PXN: variants seen among roughly 807,000 people sequenced by gnomAD.
PXN encodes paxillin, also known as testicular tissue protein Li 134.
In PXN, 61 loss-of-function variants were observed where a neutral mutation model predicts 103.6. That is an observed-to-expected ratio of 0.59 (90% CI 0.48 to 0.73). PXN has a LOEUF of 0.73. Among genes scored for constraint, PXN ranks in the 30% least tolerant of loss-of-function variants. PXN has a pLI of 0.00. For synonymous variants in PXN, 562 were observed against 607.8 expected, an observed-to-expected ratio of 0.92 and a Z score of 1.11; for missense variants, 1,274 against 1,460.3, an observed-to-expected ratio of 0.87 and a Z score of 2.08.
At position 120,265,317 on chromosome 12, in the gene PXN, C is replaced by T. The variant is rs984057706; in HGVS notation, c.13+300G>A. ...GCGGACGGGGTGGGTCCCTGAGGGG[C>T]GGGCTGGTCCCTGGGGCCCTTCTGG... is the stretch of plus-strand genomic sequence containing the variant. On this transcript the variant is annotated intron_variant, in intron 1 of 14. Transcript: ENST00000637617. The surrounding 1 kb of genome is among the most constrained non-coding windows in gnomAD (Gnocchi z 5.7). 1.3e-5 allele frequency among the ~76,000 whole-genome samples: 2 copies of T among 151,918 alleles called. No homozygotes were observed. The highest frequency in any genetic ancestry group is 4.8e-5 in the African/African-American group (2 of 41,354).
chr12:120,263,455 A>G (rs1894191514), intron 1 of PXN, among the ~76,000 whole-genome samples: 2 of 152,126 alleles, frequency 1.3e-5, no homozygotes, highest in Admixed American at 6.6e-5. Flanking sequence ...CCCTCCTTCA[A>G]GTGCCCTTGC....
At chr12:120,231,506 G>A (rs951130255) in intron 1 of PXN, among the ~76,000 whole-genome samples, 2 of 152,186 alleles carry the variant, frequency 1.3e-5, no homozygotes, top group East Asian at 1.9e-4. Context: ...GGGCTGGGGG[G>A]TGACACACAG....
In PXN at chr12:120,211,104, A is replaced by G. The variant is rs902624993; in HGVS notation, c.*1210T>C. Reference sequence around the variant, plus strand: ...CCCCATAGAAGCAGTGGGGGCTCAGAAGGTTCAGTGGGTTCACAGGGGAGC... The same window carrying G: ...CCCCATAGAAGCAGTGGGGGCTCAGGAGGTTCAGTGGGTTCACAGGGGAGC... On this transcript the variant is annotated 3_prime_UTR_variant, in exon 15 of 15. Coordinates refer to ENST00000637617, the MANE Select transcript of PXN (RefSeq NM_001385981.1). 3.3e-5 allele frequency: 5 copies of G among 152,276 alleles called. No homozygotes were observed. Among genetic ancestry groups the G allele is most frequent in the Non-Finnish European group, 7.3e-5 (5 of 68,090 alleles). The allele number at this position is 152,276 out of a possible 1,614,324, so 9.4% of individuals were successfully genotyped here.
intron 1 of PXN, among the ~76,000 whole-genome samples, chr12:120,241,077 G>C (rs1036444500): frequency 6.6e-6 from 1 of 152,166 alleles, no homozygotes; most frequent in African/African-American, 2.4e-5. Context: ...ACCACCTGAA[G>C]TTTCACTACC....
In PXN at chr12:120,214,436, C is replaced by G. The variant is rs2136184394; in HGVS notation, c.2749-219G>C. On this transcript the variant is annotated intron_variant, in intron 12 of 14. Transcript: ENST00000637617. The surrounding 1 kb of genome is among the most constrained non-coding windows in gnomAD (Gnocchi z 5.0). Reference sequence around the variant, plus strand: ...CACATACCCTCTCCTCTACTCCTCACCCCAAGTAGAGGGCACAAGTTCTAT... The same window carrying G: ...CACATACCCTCTCCTCTACTCCTCAGCCCAAGTAGAGGGCACAAGTTCTAT... Among the ~76,000 whole-genome samples the G allele has an allele frequency of 1.3e-5, 2 of 152,322 alleles. No individual in the cohort carries two copies. Among genetic ancestry groups the G allele is most frequent in the Middle Eastern group, 3.4e-3 (1 of 294 alleles).
At chr12:120,247,205 A>G (rs546691521) in intron 1 of PXN, among the ~76,000 whole-genome samples, 1 of 152,330 alleles carries the variant, frequency 6.6e-6, no homozygotes, top group Admixed American at 6.5e-5. Context: ...CTGGGTAGAA[A>G]TGCAGTATTT....
At position 120,219,691 on chromosome 12, in the gene PXN, A is replaced by T; in HGVS notation, c.1232T>A (p.Leu411His). The change falls in exon 7 of 15, where the codon CTC becomes CAC. Residue 411 changes from leucine (L) to histidine (H), a missense_variant. Leu to His is a moderately conservative substitution (Grantham distance 99, BLOSUM62 -3). Around this residue, in one of 2 missense-constraint regions of PXN, gnomAD observed 1,178 missense variants for 1,309.0 expected, o/e 0.90. Transcript: ENST00000637617. The surrounding 1 kb of genome is among the most constrained non-coding windows in gnomAD (Gnocchi z 6.5). The stretch of plus-strand genomic sequence containing the variant: ...CCCCTGGGGCTCCCCAGGCTCTTGG[A>T]GAGCTGTGCTCCCAGCACAGGGTAC... ...HTVPCAGSTA[L>H]QEPGEPQGPP... 6.3e-7 allele frequency: 1 copy of T among 1,592,166 alleles called. No homozygotes were observed. The highest frequency in any genetic ancestry group is 1.1e-5 in the South Asian group (1 of 90,198).
chr12:120,216,968 C>T lies in PXN; in HGVS notation c.1865G>A (p.Gly622Asp). 2 of 1,541,076 alleles carry T rather than the reference C, an allele frequency of 1.3e-6. No homozygotes were observed. Among genetic ancestry groups the T allele is most frequent in the Non-Finnish European group, 1.7e-6 (2 of 1,149,568 alleles). Residue 622 changes from glycine (G) to aspartate (D), a missense_variant, in exon 8 of 15, where the codon GGC (glycine) becomes GAC (aspartate). Around this residue, in one of 2 missense-constraint regions of PXN, gnomAD observed 1,178 missense variants for 1,309.0 expected, o/e 0.90. Transcript: ENST00000637617. This position sits in a 1 kb window ranked among gnomAD's most constrained non-coding sequence, Gnocchi z 5.1. Reference sequence around the variant, plus strand: ...CGGCTCCTCTGCCTCAGGCTGGATGCCCAGCCGCCCCTGCAGCTCCGCGAT... The same window carrying T: ...CGGCTCCTCTGCCTCAGGCTGGATGTCCAGCCGCCCCTGCAGCTCCGCGAT... ...QLIAELQGRL[G>D]IQPEAEEPAE... is the part of the protein sequence containing the mutation.
chr12:120,245,896 A>C (rs1414662417), intron 1 of PXN, among the ~76,000 whole-genome samples: 2 of 152,226 alleles, frequency 1.3e-5, no homozygotes, highest in Non-Finnish European at 2.9e-5. Flanking sequence ...AGAAATAACA[A>C]AAAACAGGAG....
At chr12:120,250,729 G>A (rs958634803) in intron 1 of PXN, among the ~76,000 whole-genome samples, 6 of 152,146 alleles carry the variant, frequency 3.9e-5, no homozygotes, top group Non-Finnish European at 8.8e-5. Context: ...CCACAGCAGA[G>A]TTCCAAACAT....
rs1882200146 is a variant in PXN at position 120,215,047 on chromosome 12, AC to A, written c.2575-50del. 1 of 1,600,170 alleles carries A rather than the reference AC, an allele frequency of 6.2e-7. No homozygotes were observed. ...CCAGGGCCAAGGCCAGCCCCGGAGC[AC>A]CCCCACCCCTGCAGGAGTCCACTGG... On this transcript the variant is annotated intron_variant, in intron 11 of 14. Transcript: ENST00000637617. The surrounding 1 kb of genome is among the most constrained non-coding windows in gnomAD (Gnocchi z 4.9).
chr12:120,219,295 G>A lies in PXN; in HGVS notation c.1628C>T (p.Thr543Ile), dbSNP rs1409332548. Residue 543 changes from threonine to isoleucine, a missense_variant, in exon 7 of 15, where the codon ACC becomes ATC. Physicochemically the swap from Thr to Ile is moderately conservative, Grantham distance 89. This residue lies in a region of PXN where 1,178 missense variants were observed against 1,309.0 expected (regional missense o/e 0.90). Coordinates refer to ENST00000637617, the MANE Select transcript of PXN (RefSeq NM_001385981.1). This position sits in a 1 kb window ranked among gnomAD's most constrained non-coding sequence, Gnocchi z 6.5. Reference protein sequence around the residue: ...RSPEGTTEAATQDGKEQPELP... With the variant: ...RSPEGTTEAAIQDGKEQPELP... The stretch of plus-strand genomic sequence containing the variant: ...CTCTGGCTGTTCCTTCCCGTCCTGG[G>A]TGGCAGCTTCCGTGGTGCCCTCTGG... 2 of 1,598,466 alleles carry A rather than the reference G, an allele frequency of 1.3e-6. No homozygotes were observed. The highest frequency in any genetic ancestry group is 1.7e-6 in the Non-Finnish European group (2 of 1,179,816).
intron 3 of PXN, 97 bp downstream of exon 3, chr12:120,223,621 T>TA: frequency 1.1e-6 from 1 of 912,924 alleles, no homozygotes; most frequent in Non-Finnish European, 1.6e-6. Context: ...GCCCAGTTGC[T>TA]ATGCCTGCTC....
chr12:120,250,845 T>C (rs1892030662), intron 1 of PXN, among the ~76,000 whole-genome samples: 2 of 137,102 alleles, frequency 1.5e-5, no homozygotes, highest in South Asian at 2.2e-4. Context: ...ACAGGGCCAA[T>C]TGCACTAAGT....
intron 1 of PXN, among the ~76,000 whole-genome samples, chr12:120,258,087 G>A (rs1238942572): frequency 2.0e-5 from 3 of 152,014 alleles, no homozygotes; most frequent in South Asian, 2.1e-4. Context: ...TAGCTACTGC[G>A]GAGGCTGAGG....
chr12:120,232,383 C>A (rs1325188125), intron 1 of PXN, among the ~76,000 whole-genome samples: 1 of 152,170 alleles, frequency 6.6e-6, no homozygotes, highest in African/African-American at 2.4e-5. Flanking sequence ...TGGGCCCTCC[C>A]TCCTCCAGAG....
At chr12:120,236,197 C>G (rs1889000926) in intron 1 of PXN, among the ~76,000 whole-genome samples, 1 of 152,256 alleles carries the variant, frequency 6.6e-6, no homozygotes, top group Admixed American at 6.5e-5. Context: ...TGGGGAAACA[C>G]AAGCCTGAGC....
intron 1 of PXN, among the ~76,000 whole-genome samples, chr12:120,246,713 G>A (rs1594495758): frequency 6.6e-6 from 1 of 151,482 alleles, no homozygotes; most frequent in East Asian, 1.9e-4. Flanking sequence ...AAATTAGCTA[G>A]GCATGGTGGT....
chr12:120,244,463 G>A lies in PXN; in HGVS notation c.14-20086C>T, dbSNP rs556487278. Among the ~76,000 whole-genome samples, 10 of 151,934 alleles carry A rather than the reference G, an allele frequency of 6.6e-5. No individual in the cohort carries two copies. In the East Asian group the frequency reaches 1.7e-3, roughly 27 times the overall value. On this transcript the variant is annotated intron_variant, in intron 1 of 14. Coordinates refer to ENST00000637617, the MANE Select transcript of PXN (RefSeq NM_001385981.1). ...AGATCGAGACCATCCTGGCTAACAC[G>A]GTGAAACCCCGTCTCTACTAAAAAT...
Sources: allele counts gnomAD v4.1 joint callset (sites outside exome capture counted in the v4.1 genomes callset), GRCh38; gene constraint gnomAD v4.1.1; regional missense constraint gnomAD v4.1.1; non-coding constraint Gnocchi (gnomAD v3.1); transcripts MANE v1.5; gene names NCBI Gene and HGNC (gene_info 2026-07-23, HGNC 2026-07-21).